Variants in ABCA13 observed in about 807,000 individuals in gnomAD.
ABCA13 encodes ATP-binding cassette sub-family A member 13.
ABCA13 carries 476 observed loss-of-function variants against 478.7 expected under a neutral mutation model. The observed-to-expected ratio is 0.99, with a 90% confidence interval of 0.92 to 1.07. The LOEUF (loss-of-function observed/expected upper bound fraction) is 1.07, where lower values mean the gene tolerates loss of function less well. Among genes scored for constraint, ABCA13 ranks in the 50% least tolerant of loss-of-function variants. The probability of loss-of-function intolerance (pLI) is 0.00; values close to 1 mark genes in which losing one functional copy is unlikely to be tolerated. For synonymous variants in ABCA13, 2,252 were observed against 2,158.9 expected (o/e 1.04, Z -1.20); for missense variants, 6,060 against 5,910.6 (o/e 1.03, Z -0.83).
chr7:48,604,304 T>C (rs891645197), intron 58 of ABCA13, among the ~76,000 whole-genome samples: 1 of 152,226 alleles, frequency 6.6e-6, no homozygotes, highest in African/African-American at 2.4e-5. Context: ...GCTTCTCTAG[T>C]TCTTTCAATT....
At chr7:48,310,301 C>T in intron 24 of ABCA13, among the ~76,000 whole-genome samples, 160 bp downstream of exon 24, 1 of 152,112 alleles carries the variant, frequency 6.6e-6, no homozygotes, top group East Asian at 1.9e-4. Context: ...TTGCTGAATC[C>T]AAGGTGGGGC....
intron 42 of ABCA13, among the ~76,000 whole-genome samples, chr7:48,431,104 G>A (rs1348808772): frequency 6.6e-6 from 1 of 151,362 alleles, no homozygotes; most frequent in African/African-American, 2.4e-5. Context: ...TTCTTATTTA[G>A]GTTGTGTTGA....
intron 58 of ABCA13, among the ~76,000 whole-genome samples, chr7:48,607,680 A>G (rs1322523170): frequency 6.6e-6 from 1 of 152,110 alleles, no homozygotes; most frequent in Non-Finnish European, 1.5e-5. Flanking sequence ...GCATGCCTTA[A>G]AAATTTATAT....
chr7:48,583,644 C>T (rs989439761), intron 56 of ABCA13, among the ~76,000 whole-genome samples: 1 of 152,168 alleles, frequency 6.6e-6, no homozygotes, highest in East Asian at 1.9e-4. Flanking sequence ...ATCCCAGTAA[C>T]TTGCCTGAAG....
chr7:48,606,311 T>G (rs988968486), intron 58 of ABCA13, among the ~76,000 whole-genome samples: 3 of 152,204 alleles, frequency 2.0e-5, no homozygotes, highest in Admixed American at 2.0e-4. Context: ...TTTTGGAATT[T>G]TCAAGCCTTT....
chr7:48,431,968 G>A (rs996769868), intron 42 of ABCA13, among the ~76,000 whole-genome samples: 17 of 152,158 alleles, frequency 1.1e-4, no homozygotes, highest in Admixed American at 7.9e-4. Flanking sequence ...GAGGTCCTCT[G>A]GTTTGGTTGA....
In ABCA13 at chr7:48,274,188, AC is replaced by A; in HGVS notation, c.4523del (p.Thr1508LysfsTer18). On this transcript the variant is annotated frameshift_variant, in exon 17 of 62. Coordinates refer to ENST00000435803, the MANE Select transcript of ABCA13 (RefSeq NM_152701.5). LOFTEE classifies it high-confidence loss of function. ...AGTAAGGATGAGTATCAACAACTTA[AC>A]AACAGACTTTGATTTTGCATCTCAG... ...KQVRMSINNL[T>X]TDFDFASQSN... 1 of 1,612,276 alleles carries A rather than the reference AC, an allele frequency of 6.2e-7. No individual in the cohort carries two copies. Among genetic ancestry groups the A allele is most frequent in the Middle Eastern group, 1.7e-4 (1 of 6,054 alleles).
rs1178184902 is a variant in ABCA13 at position 48,372,177 on chromosome 7, A to C, written c.10813A>C (p.Met3605Leu). 6.2e-7 allele frequency: 1 copy of C among 1,612,566 alleles called. No individual in the cohort carries two copies. Among genetic ancestry groups the C allele is most frequent in the Non-Finnish European group, 8.5e-7 (1 of 1,178,978 alleles). Residue 3605 changes from methionine to leucine, a missense_variant, in exon 33 of 62, where the codon ATG becomes CTG. Physicochemically the swap from Met to Leu is conservative, Grantham distance 15. Coordinates refer to ENST00000435803, the MANE Select transcript of ABCA13 (RefSeq NM_152701.5). Reference sequence around the variant, plus strand: ...TTTCTCTTTTTGGTAGTATATGCGGATGATGGGAGTGCATCCAGTGATCCA... The same window carrying C: ...TTTCTCTTTTTGGTAGTATATGCGGCTGATGGGAGTGCATCCAGTGATCCA... Reference protein sequence around the residue: ...QEIQIEEYMRMMGVHPVIHFL... With the variant: ...QEIQIEEYMRLMGVHPVIHFL...
At chr7:48,323,503 TCAA>T (rs1803828011) in intron 27 of ABCA13, among the ~76,000 whole-genome samples, 1 of 152,212 alleles carries the variant, frequency 6.6e-6, no homozygotes, top group Admixed American at 6.5e-5. Context: ...GTGGGTGCCA[TCAA>T]GAAGATTATC....
At chr7:48,517,063 A>C (rs1385349639) in intron 52 of ABCA13, among the ~76,000 whole-genome samples, 182 bp downstream of exon 52, 1 of 152,212 alleles carries the variant, frequency 6.6e-6, no homozygotes, top group Non-Finnish European at 1.5e-5. Flanking sequence ...TGCCGTTATA[A>C]AAGCCATGCC....
intron 7 of ABCA13, among the ~76,000 whole-genome samples, chr7:48,230,543 G>A (rs1788895471): frequency 6.6e-6 from 1 of 152,120 alleles, no homozygotes; most frequent in Non-Finnish European, 1.5e-5. Context: ...GGGAAATACA[G>A]TGAGAGAACA....
Position 48,584,567 on chromosome 7 carries a change from C to T in ABCA13, c.14506-2587C>T, listed in dbSNP as rs148377974. ...ATATGTGGGCGTGTGAGTGTACCCT[C>T]GATGGAATGGCATGCTGTCCAGGGC... On this transcript the variant is annotated intron_variant, in intron 56 of 61. Coordinates refer to ENST00000435803, the MANE Select transcript of ABCA13 (RefSeq NM_152701.5). 1.4e-3 allele frequency among the ~76,000 whole-genome samples: 215 copies of T among 152,208 alleles called. 2 individuals carry two copies. Among genetic ancestry groups the T allele is most frequent in the African/African-American group, 5.1e-3 (212 of 41,522 alleles).
Position 48,372,380 on chromosome 7 carries a change from C to T in ABCA13, c.11016C>T (p.Phe3672=), listed in dbSNP as rs752761141. 41 of 1,613,812 alleles carry T rather than the reference C, an allele frequency of 2.5e-5. No individual in the cohort carries two copies. Among genetic ancestry groups the T allele is most frequent in the Non-Finnish European group, 3.2e-5 (38 of 1,179,858 alleles). The change falls in exon 33 of 62, where the codon TTC becomes TTT. Residue 3672 remains phenylalanine (F), a synonymous_variant. Transcript: ENST00000435803. ...VMLSYLLSAF[F]SQANTAALCT... ...TGAGCTACCTCTTGAGTGCATTTTT[C>T]AGCCAAGCTAATACAGCGGCCCTTT... is the stretch of plus-strand genomic sequence containing the variant.
chr7:48,193,427 G>T (rs1043341845), intron 2 of ABCA13, among the ~76,000 whole-genome samples: 1 of 151,996 alleles, frequency 6.6e-6, no homozygotes, highest in Non-Finnish European at 1.5e-5. Context: ...TGATGGTGGT[G>T]AGAAAATAAT....
chr7:48,190,239 G>A (rs765646047), intron 1 of ABCA13, among the ~76,000 whole-genome samples: 5 of 151,932 alleles, frequency 3.3e-5, no homozygotes, highest in African/African-American at 7.3e-5. Flanking sequence ...GGTACCTCAC[G>A]GATCTACTTA....
chr7:48,288,374 A>G (rs1798055110), intron 20 of ABCA13, among the ~76,000 whole-genome samples: 1 of 152,190 alleles, frequency 6.6e-6, no homozygotes, highest in Non-Finnish European at 1.5e-5. Flanking sequence ...AAATTATATA[A>G]ACTTATGATG....
chr7:48,350,785 A>G lies in ABCA13; in HGVS notation c.10347A>G (p.Ala3449=). ...CTGTCGACATCCTGGAGACTAAAGC[A>G]CATGAACTCTTGCAGCAGAACAGCT... is the stretch of plus-strand genomic sequence containing the variant. ...LQSVDILETK[A]HELLQQNSFL... is the part of the protein sequence containing the mutation. Residue 3449 remains alanine (A), a synonymous_variant, in exon 30 of 62, where the codon GCA becomes GCG. Transcript: ENST00000435803. 6.2e-7 allele frequency: 1 copy of G among 1,613,894 alleles called. No individual in the cohort carries two copies. The highest frequency in any genetic ancestry group is 8.5e-7 in the Non-Finnish European group (1 of 1,179,824).
intron 3 of ABCA13, among the ~76,000 whole-genome samples, chr7:48,202,812 C>A (rs1255055049): frequency 1.3e-5 from 2 of 152,246 alleles, no homozygotes; most frequent in African/African-American, 2.4e-5. Flanking sequence ...AAAGGTTCTC[C>A]AAGGCCCCAC....
rs201095061 is a variant in ABCA13 at position 48,270,068 on chromosome 7, C to T, written c.2120+974C>T. Among the ~76,000 whole-genome samples the T allele has an allele frequency of 7.2e-5, 11 of 152,198 alleles. No individual in the cohort carries two copies. The East Asian group carries it at 1.4e-3, about 19-fold the overall frequency. On this transcript the variant is annotated intron_variant, in intron 16 of 61. Coordinates refer to ENST00000435803, the MANE Select transcript of ABCA13 (RefSeq NM_152701.5). ...ACATTTAATTTTATATTTGTGGACC[C>T]ATAGCAGTTGGCACAGTGTCTTTCA...
Sources: allele counts gnomAD v4.1 joint callset (sites outside exome capture counted in the v4.1 genomes callset), GRCh38; gene constraint gnomAD v4.1.1; transcripts MANE v1.5; gene names NCBI Gene and HGNC (gene_info 2026-07-23, HGNC 2026-07-21).